Variants in FBXO36 observed in about 807,000 individuals in gnomAD.
FBXO36 encodes F-box only protein 36.
In FBXO36, 18 loss-of-function variants were observed where a neutral mutation model predicts 17.0. That is an observed-to-expected ratio of 1.06 (90% CI 0.73 to 1.57). The LOEUF is 1.57. Ranked by LOEUF, FBXO36 falls within the 40% of genes most tolerant of loss-of-function variation. The pLI, the probability that FBXO36 is intolerant of heterozygous loss-of-function variation, is 0.00. For synonymous variants in FBXO36, 83 were observed against 85.3 expected (o/e 0.97, Z 0.15); for missense variants, 229 against 221.9 (o/e 1.03, Z -0.20).
At chr2:229,932,159 A>G (rs1172961163) in intron 1 of FBXO36, among the ~76,000 whole-genome samples, 1 of 152,084 alleles carries the variant, frequency 6.6e-6, no homozygotes. Context: ...AGGTGGGCGG[A>G]TCACAAAGTC....
intron 1 of FBXO36, among the ~76,000 whole-genome samples, chr2:229,945,419 G>A (rs2077021718): frequency 6.6e-6 from 1 of 152,066 alleles, no homozygotes; most frequent in Non-Finnish European, 1.5e-5. Flanking sequence ...CAGTTCTCCT[G>A]CCTTTGCCTC....
intron 1 of FBXO36, among the ~76,000 whole-genome samples, chr2:229,935,209 A>G (rs981588794): frequency 3.9e-5 from 6 of 152,128 alleles, no homozygotes; most frequent in African/African-American, 1.4e-4. Context: ...AGCTCTGACC[A>G]ACCCCCTGGA....
At chr2:229,954,440 G>C (rs1416985509) in intron 1 of FBXO36, among the ~76,000 whole-genome samples, 1 of 149,524 alleles carries the variant, frequency 6.7e-6, no homozygotes, top group Non-Finnish European at 1.5e-5. Context: ...ATGGAGTTTT[G>C]CCCTGTTGGC....
intron 2 of FBXO36, among the ~76,000 whole-genome samples, chr2:229,992,162 A>G (rs997359958): frequency 1.4e-4 from 21 of 150,530 alleles, no homozygotes; most frequent in African/African-American, 4.9e-4. Flanking sequence ...TTCTCATTTA[A>G]TCTTTTTTTT....
At chr2:230,001,019 T>C (rs777072581) in intron 3 of FBXO36, among the ~76,000 whole-genome samples, 28 of 151,862 alleles carry the variant, frequency 1.8e-4, no homozygotes, top group Non-Finnish European at 3.8e-4. Context: ...CCACCATGCC[T>C]GGCTAATTTT....
chr2:229,966,164 G>A lies in FBXO36; in HGVS notation c.97-10077G>A, dbSNP rs550177660. Among the ~76,000 whole-genome samples, 4 of 152,312 alleles carry A rather than the reference G, an allele frequency of 2.6e-5. No individual in the cohort carries two copies. In the East Asian group the frequency reaches 7.7e-4, roughly 29 times the overall value. ...GCATTTTTTCCTGTGTCTGTTGACT[G>A]CATAAATGCCTTCTTTTGAGAAGTG... On this transcript the variant is annotated intron_variant, in intron 1 of 3. Transcript: ENST00000283946.
intron 1 of FBXO36, among the ~76,000 whole-genome samples, chr2:229,956,507 T>C (rs2077088415): frequency 6.6e-6 from 1 of 152,166 alleles, no homozygotes; most frequent in Admixed American, 6.6e-5. Context: ...GAAGGAGGGA[T>C]GCAGATAGCT....
intron 1 of FBXO36, among the ~76,000 whole-genome samples, chr2:229,929,752 G>A (rs1036547593): frequency 6.6e-6 from 1 of 151,870 alleles, no homozygotes; most frequent in African/African-American, 2.4e-5. Context: ...CCAGCTACTC[G>A]GGAGGCTGAG....
At chr2:229,989,120 G>A (rs553572340) in intron 2 of FBXO36, among the ~76,000 whole-genome samples, 7 of 152,002 alleles carry the variant, frequency 4.6e-5, no homozygotes, top group Non-Finnish European at 8.8e-5. Flanking sequence ...TGAGTTAATG[G>A]TTTCTGGTAT....
At chr2:230,004,321 T>G (rs1051244150) in intron 3 of FBXO36, among the ~76,000 whole-genome samples, 2 of 152,108 alleles carry the variant, frequency 1.3e-5, no homozygotes, top group African/African-American at 2.4e-5. Flanking sequence ...CTTAACAGAG[T>G]GTCTAGCCCA....
At chr2:230,008,955 C>T (rs751073364) in intron 3 of FBXO36, among the ~76,000 whole-genome samples, 1 of 152,200 alleles carries the variant, frequency 6.6e-6, no homozygotes, top group African/African-American at 2.4e-5. Flanking sequence ...ACTATAATAG[C>T]TGTTGTGTTG....
intron 3 of FBXO36, among the ~76,000 whole-genome samples, chr2:230,003,054 A>G (rs904433018): frequency 2.6e-5 from 4 of 151,924 alleles, no homozygotes; most frequent in Non-Finnish European, 5.9e-5. Context: ...TCTACCAAAA[A>G]TACAAAAAAT....
At chr2:229,976,571 A>G (rs1456233052) in intron 2 of FBXO36, 1 of 375,776 alleles carries the variant, frequency 2.7e-6, no homozygotes, top group East Asian at 5.3e-5. Flanking sequence ...CTGTAATCCC[A>G]ACACTTTGGG....
rs117285866 is a variant in FBXO36 at position 229,924,626 on chromosome 2, G to A, written c.96+2017G>A. Among the ~76,000 whole-genome samples, 75 of 152,240 alleles carry A rather than the reference G, an allele frequency of 4.9e-4. No homozygotes were observed. The East Asian group carries it at 0.013, about 26-fold the overall frequency. On this transcript the variant is annotated intron_variant, in intron 1 of 3. Coordinates refer to ENST00000283946, the MANE Select transcript of FBXO36 (RefSeq NM_174899.5). Reference sequence around the variant, plus strand: ...TCATTTGTAAGCCTCACCAGGCTGAGTATCTTGTTACCTTTTTATTTTAGT... The same window carrying A: ...TCATTTGTAAGCCTCACCAGGCTGAATATCTTGTTACCTTTTTATTTTAGT...
intron 3 of FBXO36, among the ~76,000 whole-genome samples, chr2:229,998,841 C>T (rs1222892855): frequency 4.8e-5 from 7 of 145,742 alleles, no homozygotes; most frequent in East Asian, 4.0e-4. Flanking sequence ...CTCTGTCTGT[C>T]GCCCAGGCTG....
intron 1 of FBXO36, among the ~76,000 whole-genome samples, chr2:229,974,110 A>T (rs2077195498): frequency 6.6e-6 from 1 of 152,174 alleles, no homozygotes; most frequent in African/African-American, 2.4e-5. Flanking sequence ...CAATACATGG[A>T]ACATAATTGA....
chr2:230,010,670 C>A, intron 3 of FBXO36, 26 bp from the exon 4 acceptor site: 1 of 1,583,500 alleles, frequency 6.3e-7, no homozygotes, highest in Admixed American at 1.7e-5. Context: ...GTGCTGTAAC[C>A]CACCTCTGAC....
At chr2:229,989,580 G>C (rs1057514061) in intron 2 of FBXO36, among the ~76,000 whole-genome samples, 1 of 149,164 alleles carries the variant, frequency 6.7e-6, no homozygotes, top group African/African-American at 2.5e-5. Flanking sequence ...TTTGTTGTTT[G>C]TTTCAGAGTC....
intron 1 of FBXO36, among the ~76,000 whole-genome samples, chr2:229,938,216 C>CT (rs71049603): frequency 0.33 from 24,222 of 73,130 alleles, 5,483 homozygotes; most frequent in African/African-American, 0.47. Context: ...ATACAACTTT[C>CT]TTTTTTTTTT....
Sources: gnomAD v4.1 joint callset for allele counts (sites outside exome capture counted in the v4.1 genomes callset) on GRCh38, gnomAD v4.1.1 for gene constraint, MANE v1.5 for transcripts, NCBI Gene and HGNC (gene_info 2026-07-23, HGNC 2026-07-21) for gene names.